SLC14A2: variants seen among roughly 807,000 people sequenced by gnomAD.
SLC14A2 encodes the protein urea transporter 2.
SLC14A2 carries 91 observed loss-of-function variants against 104.6 expected under a neutral mutation model. That is an observed-to-expected ratio of 0.87 (90% CI 0.73 to 1.04). The LOEUF (loss-of-function observed/expected upper bound fraction) is 1.04, where lower values mean the gene tolerates loss of function less well. Ranked by LOEUF, SLC14A2 falls within the 50% of genes least tolerant of loss-of-function variation. The pLI is 0.00. For synonymous variants in SLC14A2, 476 were observed against 466.4 expected, an observed-to-expected ratio of 1.02 and a Z score of -0.27; for missense variants, 1,189 against 1,156.0, an observed-to-expected ratio of 1.03 and a Z score of -0.41.
chr18:45,182,124 C>T, the SLC14A2 span, among the ~76,000 whole-genome samples: 1 of 151,772 alleles, frequency 6.6e-6, no homozygotes, highest in Non-Finnish European at 1.5e-5. Flanking sequence ...AGGATTACCA[C>T]ACTAATCTAA....
intron 2 of SLC14A2, among the ~76,000 whole-genome samples, chr18:45,489,364 A>C (rs1216832876): frequency 6.6e-6 from 1 of 152,046 alleles, no homozygotes; most frequent in Admixed American, 6.6e-5. Context: ...TACAAAAACT[A>C]TCTAGGTGTG....
Position 45,235,987 on chromosome 18 carries a change from GTGTATATATACATATATGTGTGTA to G in SLC14A2, c.-125+22798_-125+22821del, listed in dbSNP as rs2084231695. ...TATATACATATATGTGTGTATATATGTGTATATATACATATATGTGTGTATATATGTGTATATATACATATATGT... is the reference window on the plus strand; with the variant it reads ...TATATACATATATGTGTGTATATATGTATATGTGTATATATACATATATGT... On this transcript the variant is annotated intron_variant, in intron 1 of 20. Transcript: ENST00000586448. Among the ~76,000 whole-genome samples, 21 of 47,724 alleles carry G rather than the reference GTGTATATATACATATATGTGTGTA, an allele frequency of 4.4e-4. 2 individuals are homozygous for G. Among genetic ancestry groups the G allele is most frequent in the Admixed American group, 4.4e-4 (2 of 4,504 alleles). The allele number at this position is 47,724 out of a possible 152,430, so 31.3% of individuals were successfully genotyped here. A position where few individuals can be genotyped will look rare whatever the true frequency, so the allele number is the denominator to read the frequency against.
intron 16 of SLC14A2, among the ~76,000 whole-genome samples, chr18:45,672,517 G>A (rs1401466929): frequency 2.7e-5 from 4 of 145,528 alleles, no homozygotes; most frequent in East Asian, 2.0e-4. Flanking sequence ...CAACAAGAGC[G>A]AAACTCCATC....
chr18:45,524,947 C>T (rs560725532), intron 2 of SLC14A2, among the ~76,000 whole-genome samples: 32 of 152,286 alleles, frequency 2.1e-4, no homozygotes, highest in African/African-American at 3.4e-4. Context: ...CTTAAAGCAT[C>T]TCCTTATTAT....
intron 2 of SLC14A2, among the ~76,000 whole-genome samples, chr18:45,493,688 T>C (rs367656274): frequency 6.6e-6 from 1 of 152,248 alleles, no homozygotes; most frequent in Non-Finnish European, 1.5e-5. Flanking sequence ...GTCCTCTAAC[T>C]CCTAGGCCAA....
chr18:45,660,362 C>T (rs757595547), intron 10 of SLC14A2, among the ~76,000 whole-genome samples: 9 of 152,108 alleles, frequency 5.9e-5, no homozygotes, highest in Admixed American at 4.6e-4. Context: ...TGTGCCCTAA[C>T]GATAAGGAGC....
At chr18:45,357,573 A>G (rs1024325583) in intron 1 of SLC14A2, among the ~76,000 whole-genome samples, 6 of 152,174 alleles carry the variant, frequency 3.9e-5, no homozygotes, top group African/African-American at 1.4e-4. Flanking sequence ...ACCCTGTCTC[A>G]AAGAAATAAA....
intron 1 of SLC14A2, among the ~76,000 whole-genome samples, chr18:45,281,186 T>TTC (rs1391279291): frequency 6.6e-6 from 1 of 152,228 alleles, no homozygotes; most frequent in Non-Finnish European, 1.5e-5. Context: ...ACTTGCTATT[T>TTC]AAATTCCAAA....
At chr18:45,226,147 A>T (rs151336017) in intron 1 of SLC14A2, among the ~76,000 whole-genome samples, 1 of 152,156 alleles carries the variant, frequency 6.6e-6, no homozygotes, top group African/African-American at 2.4e-5. Flanking sequence ...TAGAATGGCA[A>T]TCATTAAAAA....
At chr18:45,431,619 G>A (rs1465428519) in intron 1 of SLC14A2, among the ~76,000 whole-genome samples, 1 of 152,164 alleles carries the variant, frequency 6.6e-6, no homozygotes, top group Non-Finnish European at 1.5e-5. Context: ...GGACGTTAGG[G>A]CACCACCTCA....
intron 2 of SLC14A2, among the ~76,000 whole-genome samples, chr18:45,572,308 C>G (rs1016105783): frequency 6.6e-6 from 1 of 152,194 alleles, no homozygotes; most frequent in Admixed American, 6.5e-5. Flanking sequence ...CAAATCACCA[C>G]GTAAATATCC....
the SLC14A2 span, among the ~76,000 whole-genome samples, chr18:45,175,716 G>A: frequency 0.13 from 19,192 of 152,176 alleles, 1,453 homozygotes; most frequent in Middle Eastern, 0.22. Flanking sequence ...ATATTCTGTG[G>A]TGCTGACTTA....
intron 2 of SLC14A2, among the ~76,000 whole-genome samples, chr18:45,530,923 C>T (rs1170423892): frequency 6.6e-6 from 1 of 151,726 alleles, no homozygotes; most frequent in East Asian, 1.9e-4. Context: ...TTGTTCAGTT[C>T]CCACCTATGA....
chr18:45,538,849 C>CTTT (rs1568266475), intron 2 of SLC14A2, among the ~76,000 whole-genome samples: 28 of 128,612 alleles, frequency 2.2e-4, no homozygotes, highest in African/African-American at 8.8e-4. Flanking sequence ...CTCCCCCTTC[C>CTTT]CTTTTTTTTT....
chr18:45,352,298 G>C (rs1183881172), intron 1 of SLC14A2, among the ~76,000 whole-genome samples: 1 of 152,110 alleles, frequency 6.6e-6, no homozygotes, highest in Non-Finnish European at 1.5e-5. Context: ...CTGTACCCCT[G>C]TACCCCACCC....
At chr18:45,199,265 G>A in the SLC14A2 span, among the ~76,000 whole-genome samples, 1 of 151,972 alleles carries the variant, frequency 6.6e-6, no homozygotes, top group Admixed American at 6.6e-5. Flanking sequence ...TAATCTGAAG[G>A]CTCCTGTGTC....
chr18:45,620,386 G>A (rs1378395255), intron 1 of SLC14A2, among the ~76,000 whole-genome samples: 14 of 152,212 alleles, frequency 9.2e-5, no homozygotes, highest in Admixed American at 8.5e-4. Flanking sequence ...GGAAAATGCT[G>A]AGAGCAACAT....
chr18:45,378,011 T>C lies in SLC14A2; in HGVS notation c.-124-105222T>C, dbSNP rs1296406642. Among the ~76,000 whole-genome samples the C allele has an allele frequency of 5.9e-5, 9 of 152,200 alleles. 1 individual carries two copies. The highest frequency in any genetic ancestry group is 7.3e-5 in the Non-Finnish European group (5 of 68,036). On this transcript the variant is annotated intron_variant, in intron 1 of 20. Coordinates refer to the SLC14A2 transcript ENST00000586448. ...ACCCCCAACAATCACCATAAAAAAA[T>C]GCACACATCTTTCAAAATTCCTGTG...
the SLC14A2 span, among the ~76,000 whole-genome samples, chr18:45,200,210 G>A: frequency 2.6e-5 from 4 of 152,024 alleles, no homozygotes; most frequent in Non-Finnish European, 2.9e-5. Context: ...AGTACCCTTC[G>A]TTTTTCAGAC....
Sources: gnomAD v4.1 joint callset for allele counts (sites outside exome capture counted in the v4.1 genomes callset) on GRCh38, gnomAD v4.1.1 for gene constraint, MANE v1.5 for transcripts, NCBI Gene and HGNC (gene_info 2026-07-23, HGNC 2026-07-21) for gene names.